The following WDR59 variants were observed in gnomAD, a reference collection of about 807,000 sequenced individuals.
WDR59 encodes the protein GATOR2 complex protein WDR59.
Under a neutral mutation model 131.2 loss-of-function variants are expected in WDR59, and 100 were observed. That is an observed-to-expected ratio of 0.76 (90% CI 0.65 to 0.90). WDR59 has a LOEUF of 0.90. WDR59 is among the 40% of genes least tolerant of loss of function. The pLI is 0.00. For synonymous variants in WDR59, 601 were observed against 466.2 expected (o/e 1.29, Z -3.72); for missense variants, 1,203 against 1,262.2 (o/e 0.95, Z 0.71).
chr16:74,933,762 T>G (rs2031585909), intron 8 of WDR59, among the ~76,000 whole-genome samples: 1 of 152,158 alleles, frequency 6.6e-6, no homozygotes, highest in Admixed American at 6.5e-5. Flanking sequence ...ATTTTGTAAT[T>G]TTAGTAGAGA....
At chr16:74,965,860 C>T (rs2033752598) in intron 1 of WDR59, 38 bp from the exon 2 acceptor site, 2 of 1,613,252 alleles carry the variant, frequency 1.2e-6, no homozygotes, top group East Asian at 2.2e-5. Flanking sequence ...TGCCAGCAAA[C>T]CCAGCCGGGG....
At chr16:74,982,453 C>T (rs915138037) in intron 1 of WDR59, among the ~76,000 whole-genome samples, 5 of 152,128 alleles carry the variant, frequency 3.3e-5, no homozygotes, top group Non-Finnish European at 7.4e-5. Context: ...TTATTTGCTA[C>T]GACTTCATAG....
chr16:74,920,807 G>T (rs138754426), intron 10 of WDR59, among the ~76,000 whole-genome samples: 100 of 152,228 alleles, frequency 6.6e-4, no homozygotes, highest in Middle Eastern at 3.4e-3. Flanking sequence ...TTTGCAAAAG[G>T]TTCAGAAACA....
At chr16:74,944,463 CAAAAA>C (rs527514875) in intron 6 of WDR59, among the ~76,000 whole-genome samples, 2 of 93,102 alleles carry the variant, frequency 2.1e-5, no homozygotes, top group African/African-American at 4.0e-5. Flanking sequence ...AAGACTGTCT[CAAAAA>C]AAAAAAAAAA....
chr16:74,956,553 G>A lies in WDR59; in HGVS notation c.162C>T (p.Ile54=), dbSNP rs1356460523. ...CAATGTCCCATTTGCTCTGGCGAGAGATCTTTCGGTGACCTTCGAAAGGGG... is the reference window on the plus strand; with the variant it reads ...CAATGTCCCATTTGCTCTGGCGAGAAATCTTTCGGTGACCTTCGAAAGGGG... The part of the protein sequence containing the change: ...LDAPFEGHRK[I]SRQSKWDIGA... Residue 54 remains isoleucine, a synonymous_variant, in exon 3 of 26, where the codon ATC becomes ATT. Coordinates refer to ENST00000262144, the MANE Select transcript of WDR59 (RefSeq NM_030581.4). 1 of 1,613,996 alleles carries A rather than the reference G, an allele frequency of 6.2e-7. No individual in the cohort carries two copies. The highest frequency in any genetic ancestry group is 2.2e-5 in the East Asian group (1 of 44,892).
At chr16:74,968,078 G>A (rs550609054) in intron 1 of WDR59, among the ~76,000 whole-genome samples, 1 of 152,238 alleles carries the variant, frequency 6.6e-6, no homozygotes, top group Non-Finnish European at 1.5e-5. Context: ...TCCACCTAAA[G>A]CAGATGAACT....
chr16:74,970,548 T>C (rs1437537371), intron 1 of WDR59, among the ~76,000 whole-genome samples: 1 of 139,618 alleles, frequency 7.2e-6, no homozygotes, highest in Non-Finnish European at 1.6e-5. Context: ...CAAGGACCTC[T>C]CTAAGCAGGT....
At chr16:74,912,029 T>C (rs1305745101) in intron 14 of WDR59, 169 bp downstream of exon 14, 1 of 877,198 alleles carries the variant, frequency 1.1e-6, no homozygotes, top group Admixed American at 2.8e-5. Flanking sequence ...GCTCTGATGT[T>C]TTCTGCACAA....
Position 74,981,629 on chromosome 16 carries a change from TA to T in WDR59, c.54+3334del, listed in dbSNP as rs1567450478. 3.4e-3 allele frequency among the ~76,000 whole-genome samples: 9 copies of T among 2,648 alleles called. 1 individual carries two copies. Among genetic ancestry groups the T allele is most frequent in the Non-Finnish European group, 0.011 (9 of 810 alleles). The allele number at this position is 2,648 out of a possible 152,430, so 1.7% of individuals were successfully genotyped here. A position where few individuals can be genotyped will look rare whatever the true frequency, so the allele number is the denominator to read the frequency against. ...ATACATTTACATATATATATATATA[TA>T]TATATATATATATATATATATATAT... On this transcript the variant is annotated intron_variant, in intron 1 of 25. Coordinates refer to ENST00000262144, the MANE Select transcript of WDR59 (RefSeq NM_030581.4).
chr16:74,983,738 C>T (rs988477715), intron 1 of WDR59, among the ~76,000 whole-genome samples: 5 of 151,890 alleles, frequency 3.3e-5, no homozygotes, highest in Non-Finnish European at 2.9e-5. Context: ...CACTTTGGGA[C>T]GCTGAGGCAG....
chr16:74,939,169 G>A (rs547731117), intron 7 of WDR59, among the ~76,000 whole-genome samples: 1 of 152,144 alleles, frequency 6.6e-6, no homozygotes, highest in South Asian at 2.1e-4. Context: ...TCGAACTCCT[G>A]GCCTCAAGCA....
intron 25 of WDR59, among the ~76,000 whole-genome samples, chr16:74,880,014 T>C (rs1166218810): frequency 6.6e-6 from 1 of 152,160 alleles, no homozygotes; most frequent in Non-Finnish European, 1.5e-5. Flanking sequence ...AGTGAGACTC[T>C]GTTTCTATTT....
intron 8 of WDR59, among the ~76,000 whole-genome samples, chr16:74,934,360 C>A (rs2031634747): frequency 6.6e-6 from 1 of 151,968 alleles, no homozygotes; most frequent in African/African-American, 2.4e-5. Context: ...AATATGTTCA[C>A]CAACTGGTGA....
At chr16:74,878,884 C>G (rs1964343230) in intron 25 of WDR59, among the ~76,000 whole-genome samples, 1 of 152,200 alleles carries the variant, frequency 6.6e-6, no homozygotes, top group Non-Finnish European at 1.5e-5. Context: ...GCTTTATTGC[C>G]AATTGCCGGT....
chr16:74,886,629 C>A (rs1294394512), intron 23 of WDR59, among the ~76,000 whole-genome samples: 1 of 152,178 alleles, frequency 6.6e-6, no homozygotes, highest in Non-Finnish European at 1.5e-5. Context: ...GATGCTAACG[C>A]AAATGATGGG....
rs184460988 is a variant in WDR59 at position 74,945,380 on chromosome 16, G to A, written c.446-2554C>T. Among the ~76,000 whole-genome samples, 122 of 151,998 alleles carry A rather than the reference G, an allele frequency of 8.0e-4. 2 individuals carry two copies. Among genetic ancestry groups the A allele is most frequent in the African/African-American group, 2.0e-3 (84 of 41,490 alleles). On this transcript the variant is annotated intron_variant, in intron 6 of 25. Transcript: ENST00000262144. ...CAGTCCCAGCTACTCGGGAGGCTGAGGCAGGAGAATGGCGAGAACCTGGGA... is the reference window on the plus strand; with the variant it reads ...CAGTCCCAGCTACTCGGGAGGCTGAAGCAGGAGAATGGCGAGAACCTGGGA...
At position 74,942,731 on chromosome 16, in the gene WDR59, T is replaced by A. The variant is rs1441152750; in HGVS notation, c.534+7A>T. On this transcript the variant is annotated splice_region_variant and intron_variant, in intron 7 of 25. Transcript: ENST00000262144. ...GACCAATAAGGGCGAAAAAAGAGATTACTCACCCTCTTATCCCATATCCGC... is the reference window on the plus strand; with the variant it reads ...GACCAATAAGGGCGAAAAAAGAGATAACTCACCCTCTTATCCCATATCCGC... 3.7e-6 allele frequency: 6 copies of A among 1,613,806 alleles called. No homozygotes were observed. The highest frequency in any genetic ancestry group is 5.1e-6 in the Non-Finnish European group (6 of 1,179,778).
chr16:74,984,221 G>A (rs1476426339), intron 1 of WDR59, among the ~76,000 whole-genome samples: 2 of 152,028 alleles, frequency 1.3e-5, no homozygotes, highest in Non-Finnish European at 2.9e-5. Context: ...AGGTTGCAGT[G>A]AGCCAAGATG....
At chr16:74,958,892 T>C (rs2033436531) in intron 2 of WDR59, among the ~76,000 whole-genome samples, 1 of 151,416 alleles carries the variant, frequency 6.6e-6, no homozygotes, top group South Asian at 2.1e-4. Context: ...GAGAAACCCC[T>C]GACTAATAAA....
Sources: allele counts gnomAD v4.1 joint callset (sites outside exome capture counted in the v4.1 genomes callset), GRCh38; gene constraint gnomAD v4.1.1; transcripts MANE v1.5; gene names NCBI Gene and HGNC (gene_info 2026-07-23, HGNC 2026-07-21).